GRM8: variants seen among roughly 807,000 people sequenced by gnomAD.
GRM8 encodes the protein metabotropic glutamate receptor 8.
In GRM8, 47 loss-of-function variants were observed where a neutral mutation model predicts 87.2. The observed-to-expected ratio is 0.54, with a 90% CI of 0.43 to 0.69. GRM8 has a LOEUF of 0.69. Ranked by LOEUF, GRM8 falls within the 30% of genes least tolerant of loss-of-function variation. The pLI, the probability that GRM8 is intolerant of heterozygous loss-of-function variation, is 0.00. For synonymous variants in GRM8, 396 were observed against 404.5 expected, an observed-to-expected ratio of 0.98 and a Z score of 0.25; for missense variants, 1,019 against 1,139.2, an observed-to-expected ratio of 0.89 and a Z score of 1.52.
At chr7:127,054,853 G>T (rs764934890) in intron 3 of GRM8, among the ~76,000 whole-genome samples, 5 of 151,788 alleles carry the variant, frequency 3.3e-5, no homozygotes, top group Non-Finnish European at 7.4e-5. Context: ...AAATTTAACA[G>T]AGATAATCAT....
intron 3 of GRM8, among the ~76,000 whole-genome samples, chr7:127,051,053 T>C (rs1030540905): frequency 1.3e-5 from 2 of 152,216 alleles, no homozygotes; most frequent in East Asian, 1.9e-4. Context: ...AGATTTATTA[T>C]ATGATATACT....
intron 8 of GRM8, among the ~76,000 whole-genome samples, chr7:126,596,321 C>T (rs1215326088): frequency 6.6e-6 from 1 of 152,000 alleles, no homozygotes; most frequent in African/African-American, 2.4e-5. Flanking sequence ...CCAGCACCTG[C>T]TTTTTTTGAC....
At chr7:127,128,612 A>G (rs1160458141) in intron 2 of GRM8, among the ~76,000 whole-genome samples, 2 of 152,178 alleles carry the variant, frequency 1.3e-5, no homozygotes, top group Admixed American at 1.3e-4. Flanking sequence ...AACTTTTGCA[A>G]CTATCTTATA....
intron 2 of GRM8, among the ~76,000 whole-genome samples, chr7:127,235,083 T>C (rs1797906444): frequency 6.6e-6 from 1 of 152,170 alleles, no homozygotes; most frequent in Admixed American, 6.5e-5. Context: ...CCAAAATATA[T>C]AACATCCAGT....
chr7:126,776,399 C>G (rs1432226036), intron 6 of GRM8, among the ~76,000 whole-genome samples: 1 of 152,094 alleles, frequency 6.6e-6, no homozygotes, highest in Non-Finnish European at 1.5e-5. Context: ...AGAAAATTGG[C>G]ACCATGAACA....
At chr7:126,900,918 T>G (rs1375410392) in intron 6 of GRM8, among the ~76,000 whole-genome samples, 6 of 152,166 alleles carry the variant, frequency 3.9e-5, no homozygotes, top group African/African-American at 1.4e-4. Context: ...TTCACACTTC[T>G]GCCAGGCAAA....
At chr7:127,240,149 C>A (rs1428236605) in intron 2 of GRM8, among the ~76,000 whole-genome samples, 1 of 152,108 alleles carries the variant, frequency 6.6e-6, no homozygotes, top group Admixed American at 6.5e-5. Flanking sequence ...ACCCTCTCAC[C>A]CAGTCAGATG....
chr7:126,493,031 A>C (rs1808225210), intron 9 of GRM8, among the ~76,000 whole-genome samples: 1 of 152,038 alleles, frequency 6.6e-6, no homozygotes. Context: ...TGTTGGATAA[A>C]GTTGAGAATT....
chr7:127,159,939 A>G (rs893451843), intron 2 of GRM8, among the ~76,000 whole-genome samples: 3 of 152,196 alleles, frequency 2.0e-5, no homozygotes, highest in Admixed American at 2.0e-4. Flanking sequence ...ATAAAAGGTG[A>G]TTCTGAAAAT....
chr7:127,155,258 G>A (rs758456778), intron 2 of GRM8, among the ~76,000 whole-genome samples: 1 of 152,086 alleles, frequency 6.6e-6, no homozygotes, highest in Non-Finnish European at 1.5e-5. Flanking sequence ...CTGGAGCACC[G>A]AGCAAGATAC....
intron 7 of GRM8, among the ~76,000 whole-genome samples, chr7:126,666,780 A>T (rs924193826): frequency 6.6e-6 from 1 of 152,208 alleles, no homozygotes; most frequent in Admixed American, 6.5e-5. Context: ...AAAACCAAAA[A>T]TATGTTTAAT....
At chr7:126,450,698 A>G (rs1802526976) in intron 9 of GRM8, among the ~76,000 whole-genome samples, 1 of 151,844 alleles carries the variant, frequency 6.6e-6, no homozygotes, top group Non-Finnish European at 1.5e-5. Flanking sequence ...ACCCCAAATC[A>G]ATCTATCATG....
intron 3 of GRM8, among the ~76,000 whole-genome samples, chr7:126,971,187 C>T (rs908498965): frequency 5.2e-4 from 66 of 126,264 alleles, no homozygotes; most frequent in Non-Finnish European, 9.7e-4. Flanking sequence ...AAAAAAAACA[C>T]TATCTGTAAA....
At chr7:126,997,320 C>G (rs563072180) in intron 3 of GRM8, among the ~76,000 whole-genome samples, 1 of 151,524 alleles carries the variant, frequency 6.6e-6, no homozygotes, top group Non-Finnish European at 1.5e-5. Context: ...AAATATATAG[C>G]TTTAAGTGCC....
At chr7:126,468,808 C>G (rs1804814747) in intron 9 of GRM8, among the ~76,000 whole-genome samples, 1 of 152,106 alleles carries the variant, frequency 6.6e-6, no homozygotes, top group South Asian at 2.1e-4. Context: ...CGATAAGCCT[C>G]AAGTGAATCT....
chr7:126,885,514 C>T (rs191673324), intron 6 of GRM8, among the ~76,000 whole-genome samples: 19 of 152,076 alleles, frequency 1.2e-4, no homozygotes, highest in African/African-American at 4.3e-4. Context: ...CCTAGCCAGA[C>T]CTAACTCAGT....
At chr7:127,122,007 A>G (rs1025092543) in intron 2 of GRM8, among the ~76,000 whole-genome samples, 2 of 152,180 alleles carry the variant, frequency 1.3e-5, no homozygotes, top group African/African-American at 4.8e-5. Flanking sequence ...GAATTATTTG[A>G]TATCAAAGAA....
chr7:126,629,848 T>C (rs1373102894), intron 7 of GRM8, among the ~76,000 whole-genome samples: 4 of 152,158 alleles, frequency 2.6e-5, no homozygotes, highest in South Asian at 2.1e-4. Flanking sequence ...CATAGTGAAA[T>C]ATATTTTAAA....
chr7:126,461,456 C>T (rs1035705491), intron 9 of GRM8, among the ~76,000 whole-genome samples: 3 of 151,588 alleles, frequency 2.0e-5, no homozygotes, highest in Non-Finnish European at 4.4e-5. Context: ...GTTGTTTCCA[C>T]CCCAGACTTT....
Sources: allele counts gnomAD v4.1 joint callset (sites outside exome capture counted in the v4.1 genomes callset), GRCh38; gene constraint gnomAD v4.1.1; transcripts MANE v1.5; gene names NCBI Gene and HGNC (gene_info 2026-07-23, HGNC 2026-07-21).